Variants in ANO3 observed in about 807,000 individuals in gnomAD.
ANO3 encodes anoctamin 3, also known as anoctamin-3.
A neutral mutation model predicts 144.8 loss-of-function variants in ANO3; 99 were observed. The observed-to-expected ratio is 0.68, with a 90% CI of 0.58 to 0.81. ANO3 has a LOEUF of 0.81. Ranked by LOEUF, ANO3 falls within the 30% of genes least tolerant of loss-of-function variation. The pLI is 0.00. For missense variants in ANO3, 905 were observed against 1,202.2 expected, an observed-to-expected ratio of 0.75 and a Z score of 3.66; for synonymous variants, 414 against 392.6, an observed-to-expected ratio of 1.05 and a Z score of -0.64.
chr11:26,419,762 T>A (rs1857698327), intron 1 of ANO3, among the ~76,000 whole-genome samples: 1 of 152,064 alleles, frequency 6.6e-6, no homozygotes, highest in African/African-American at 2.4e-5. Flanking sequence ...GAAAATGAGC[T>A]TATTTGGGGT....
intron 18 of ANO3, among the ~76,000 whole-genome samples, chr11:26,626,757 C>T (rs1318306813): frequency 2.0e-5 from 3 of 151,586 alleles, no homozygotes; most frequent in Admixed American, 6.6e-5. Context: ...TCTTTACATT[C>T]GGATGTTTCT....
At chr11:26,327,571 T>C (rs1209583015), upstream of ANO3, among the ~76,000 whole-genome samples, 2 of 152,130 alleles carry the variant, frequency 1.3e-5, no homozygotes, top group Non-Finnish European at 2.9e-5. Flanking sequence ...TTAAAAGAGT[T>C]TGTAAAAGGG....
rs1009310778 is a variant in ANO3 at position 26,463,074 on chromosome 11, A to G, written c.358A>G (p.Thr120Ala). Reference protein sequence around the residue: ...KDYTDESEHATYDRSRLINDF... With the variant: ...KDYTDESEHAAYDRSRLINDF... The stretch of plus-strand genomic sequence containing the variant: ...TTACACGGATGAATCAGAACACGCT[A>G]CTTATGACCGATCTCGTCTCATTAA... Residue 120 changes from threonine (T) to alanine (A), a missense_variant, in exon 4 of 27, where the codon ACT becomes GCT. This residue lies in a region of ANO3 where 174 missense variants were observed against 171.9 expected (regional missense o/e 1.01). Coordinates refer to ENST00000256737, the MANE Select transcript of ANO3 (RefSeq NM_031418.4). The G allele has an allele frequency of 1.0e-5, 16 of 1,598,578 alleles. No individual in the cohort carries two copies. Among genetic ancestry groups the G allele is most frequent in the African/African-American group, 1.3e-5 (1 of 74,176 alleles).
intron 20 of ANO3, among the ~76,000 whole-genome samples, chr11:26,635,535 T>C (rs913293485): frequency 1.3e-5 from 2 of 152,148 alleles, no homozygotes; most frequent in African/African-American, 4.8e-5. Context: ...AGTAGTATTG[T>C]TGGGTTACAG....
At chr11:26,235,277 A>T (rs1852495005) in intron 1 of ANO3, among the ~76,000 whole-genome samples, 1 of 152,222 alleles carries the variant, frequency 6.6e-6, no homozygotes, top group South Asian at 2.1e-4. Flanking sequence ...CATATACAAG[A>T]CTGCATATAC....
intron 1 of ANO3, among the ~76,000 whole-genome samples, chr11:26,379,344 T>C (rs988823850): frequency 6.6e-6 from 1 of 152,206 alleles, no homozygotes; most frequent in African/African-American, 2.4e-5. Flanking sequence ...TGTGATGTGA[T>C]CTATTTTCCA....
intron 1 of ANO3, among the ~76,000 whole-genome samples, chr11:26,407,862 T>C (rs1857329503): frequency 6.6e-6 from 1 of 151,880 alleles, no homozygotes; most frequent in Non-Finnish European, 1.5e-5. Flanking sequence ...TCCAGGAAAT[T>C]ATACCAAACT....
At chr11:26,523,511 A>C (rs1490591327) in intron 6 of ANO3, among the ~76,000 whole-genome samples, 1 of 152,180 alleles carries the variant, frequency 6.6e-6, no homozygotes, top group Non-Finnish European at 1.5e-5. Flanking sequence ...CTAAATCCTG[A>C]CAAAAGGCCC....
intron 1 of ANO3, among the ~76,000 whole-genome samples, chr11:26,315,082 T>G (rs992401369): frequency 4.7e-5 from 7 of 148,588 alleles, no homozygotes; most frequent in African/African-American, 1.7e-4. Flanking sequence ...CCTAGGTAGG[T>G]CTATATTATG....
At chr11:26,510,858 T>A (rs1861637511) in intron 5 of ANO3, among the ~76,000 whole-genome samples, 1 of 152,170 alleles carries the variant, frequency 6.6e-6, no homozygotes, top group African/African-American at 2.4e-5. Context: ...ATGTTAGTCA[T>A]CCAAAAAGGG....
intron 1 of ANO3, among the ~76,000 whole-genome samples, chr11:26,257,522 AT>A (rs1452066425): frequency 6.6e-6 from 1 of 152,086 alleles, no homozygotes; most frequent in East Asian, 1.9e-4. Flanking sequence ...TAAAAAAATA[AT>A]TTTTTAAAAG....
intron 1 of ANO3, among the ~76,000 whole-genome samples, chr11:26,299,612 T>G (rs1854174955): frequency 6.6e-6 from 1 of 151,062 alleles, no homozygotes; most frequent in East Asian, 2.0e-4. Flanking sequence ...TCAACTAGAG[T>G]GGGGAGGCGG....
chr11:26,262,490 G>T (rs1200847653), intron 1 of ANO3, among the ~76,000 whole-genome samples: 2 of 151,994 alleles, frequency 1.3e-5, no homozygotes, highest in African/African-American at 2.4e-5. Context: ...CTTATACTGT[G>T]GGATGACAAT....
chr11:26,402,912 G>T (rs1565004275), intron 1 of ANO3, among the ~76,000 whole-genome samples: 1 of 151,718 alleles, frequency 6.6e-6, no homozygotes, highest in Non-Finnish European at 1.5e-5. Context: ...CTTAATTAGG[G>T]TTCCTTCAGA....
At chr11:26,249,356 A>C (rs1426251280) in intron 1 of ANO3, among the ~76,000 whole-genome samples, 1 of 152,218 alleles carries the variant, frequency 6.6e-6, no homozygotes, top group Admixed American at 6.5e-5. Flanking sequence ...CTACGAAGCT[A>C]ACATAGGAGA....
intron 5 of ANO3, among the ~76,000 whole-genome samples, chr11:26,510,451 G>A (rs1471894866): frequency 6.6e-6 from 1 of 152,112 alleles, no homozygotes; most frequent in East Asian, 1.9e-4. Flanking sequence ...TGAACTCAGT[G>A]TTGTGATAGA....
chr11:26,589,135 G>A (rs1851370434), intron 14 of ANO3, among the ~76,000 whole-genome samples: 1 of 152,172 alleles, frequency 6.6e-6, no homozygotes, highest in Non-Finnish European at 1.5e-5. Context: ...AGAGTAACTA[G>A]CAAGAGTTTT....
chr11:26,557,907 G>A (rs934934064), intron 13 of ANO3, among the ~76,000 whole-genome samples: 3 of 152,156 alleles, frequency 2.0e-5, no homozygotes, highest in Admixed American at 6.5e-5. Flanking sequence ...CATCCCATGT[G>A]TAATAGCTTG....
At chr11:26,489,080 G>T (rs1860592519) in intron 4 of ANO3, among the ~76,000 whole-genome samples, 1 of 152,194 alleles carries the variant, frequency 6.6e-6, no homozygotes, top group African/African-American at 2.4e-5. Flanking sequence ...AGCCCAGCTG[G>T]CTTCACCTCT....
Sources: allele counts gnomAD v4.1 joint callset (sites outside exome capture counted in the v4.1 genomes callset), GRCh38; gene constraint gnomAD v4.1.1; regional missense constraint gnomAD v4.1.1; transcripts MANE v1.5; gene names NCBI Gene and HGNC (gene_info 2026-07-23, HGNC 2026-07-21).